The following CACNA1S variants were observed in gnomAD, a reference collection of about 807,000 sequenced individuals.
CACNA1S encodes voltage-dependent L-type calcium channel subunit alpha-1S.
CACNA1S carries 126 observed loss-of-function variants against 207.4 expected under a neutral mutation model. That is an observed-to-expected ratio of 0.61 (90% confidence interval 0.53 to 0.70). The LOEUF is 0.70. CACNA1S is among the 30% of genes least tolerant of loss of function. The pLI is 0.00. For synonymous variants in CACNA1S, 960 were observed against 932.7 expected, an observed-to-expected ratio of 1.03 and a Z score of -0.53; for missense variants, 2,349 against 2,422.8, an observed-to-expected ratio of 0.97 and a Z score of 0.64.
intron 23 of CACNA1S, 50 bp downstream of exon 23, chr1:201,062,412 C>T: frequency 6.4e-7 from 1 of 1,569,446 alleles, no homozygotes; most frequent in Non-Finnish European, 8.8e-7. Flanking sequence ...GACTGTCCCA[C>T]CATGCTCCCT....
chr1:201,067,997 C>T (rs1196869189), intron 19 of CACNA1S, among the ~76,000 whole-genome samples: 1 of 152,094 alleles, frequency 6.6e-6, no homozygotes, highest in Admixed American at 6.6e-5. Context: ...TCTCCTTCTG[C>T]CCCCAGAGCC....
intron 40 of CACNA1S, among the ~76,000 whole-genome samples, chr1:201,042,092 C>G (rs1461992220): frequency 1.3e-5 from 2 of 152,214 alleles, no homozygotes; most frequent in African/African-American, 4.8e-5. Context: ...ACTCTCAGGA[C>G]ACTAAATATC....
intron 1 of CACNA1S, 124 bp downstream of exon 1, chr1:201,112,064 T>C: frequency 2.3e-6 from 2 of 870,446 alleles, no homozygotes; most frequent in Non-Finnish European, 3.5e-6. Context: ...ATTCTGTGAG[T>C]TCACCCCATG....
Position 201,083,313 on chromosome 1 carries a change from C to T in CACNA1S, c.1242G>A (p.Trp414Ter), listed in dbSNP as rs1553252073. Residue 414 changes from tryptophan to a stop codon, truncating the protein, a stop_gained, in exon 10 of 44, where the codon TGG becomes TGA. Transcript: ENST00000362061. LOFTEE classifies it high-confidence loss of function. ...AGCGAAAGATGCGGTTCCACTGCCT[C>T]CAATGTCGGCTGAGGGAGGGGACAG... ...LNKIIQFIRH[W>*]RQWNRIFRWK... 6.2e-7 allele frequency: 1 copy of T among 1,614,192 alleles called. No homozygotes were observed. The highest frequency in any genetic ancestry group is 8.5e-7 in the Non-Finnish European group (1 of 1,180,018).
rs11807079 is a variant in CACNA1S, at chr1:201,042,344, G to T, written c.5049-755C>A. 5.1e-3 allele frequency among the ~76,000 whole-genome samples: 775 copies of T among 152,176 alleles called. 5 individuals carry two copies. Among genetic ancestry groups the T allele is most frequent in the African/African-American group, 0.017 (725 of 41,494 alleles). ...GTAGAGACACGGTTTCTCCATGTTG[G>T]CCAGGCAGGTCTCGAACTCCTGACC... is the stretch of plus-strand genomic sequence containing the variant. On this transcript the variant is annotated intron_variant, in intron 40 of 43. Transcript: ENST00000362061.
At chr1:201,100,779 A>G (rs1662622182) in intron 2 of CACNA1S, among the ~76,000 whole-genome samples, 1 of 152,156 alleles carries the variant, frequency 6.6e-6, no homozygotes, top group African/African-American at 2.4e-5. Context: ...AAGCTTTAGT[A>G]AGCACCCGCT....
chr1:201,064,840 C>T (rs373349905), intron 22 of CACNA1S, among the ~76,000 whole-genome samples: 6 of 152,174 alleles, frequency 3.9e-5, no homozygotes, highest in Non-Finnish European at 8.8e-5. Flanking sequence ...AGGTTGGCTC[C>T]GGATGTGAGA....
chr1:201,047,266 C>A, intron 37 of CACNA1S, 27 bp from the exon 38 acceptor site: 1 of 1,614,172 alleles, frequency 6.2e-7, no homozygotes. Flanking sequence ...AAGAGATGCC[C>A]TGAAGGCTAG....
intron 16 of CACNA1S, 39 bp from the exon 17 acceptor site, chr1:201,070,443 T>C (rs1661408300): frequency 1.2e-6 from 2 of 1,612,006 alleles, no homozygotes; most frequent in East Asian, 4.5e-5. Flanking sequence ...TGTCTTCCCA[T>C]GCTTTGCTAT....
chr1:201,098,586 A>G (rs1221114803), intron 2 of CACNA1S, among the ~76,000 whole-genome samples: 1 of 152,224 alleles, frequency 6.6e-6, no homozygotes, highest in African/African-American at 2.4e-5. Flanking sequence ...CCTGCCCAGC[A>G]CACAGGAGGC....
At chr1:201,062,338 G>A in intron 23 of CACNA1S, 124 bp downstream of exon 23, 1 of 1,076,952 alleles carries the variant, frequency 9.3e-7, no homozygotes, top group Non-Finnish European at 1.4e-6. Context: ...CCCCTGCCCT[G>A]TGATCGTCCT....
Position 201,040,267 on chromosome 1 carries a change from C to T in CACNA1S, c.5334G>A (p.Arg1778=), listed in dbSNP as rs1416127459. ...GCAGGGCTGTAGCTGGTGCTGAGCACCTGGAAGTATTCTCCCTGGTGCTCC... is the reference window on the plus strand; with the variant it reads ...GCAGGGCTGTAGCTGGTGCTGAGCATCTGGAAGTATTCTCCCTGGTGCTCC... ...HSRSTRENTS[R]CSAPATALLI... is the part of the protein sequence containing the mutation. Residue 1778 remains arginine (R), a synonymous_variant, in exon 43 of 44, where the codon AGG becomes AGA. Transcript: ENST00000362061. 1 of 1,613,836 alleles carries T rather than the reference C, an allele frequency of 6.2e-7. No homozygotes were observed. The highest frequency in any genetic ancestry group is 8.5e-7 in the Non-Finnish European group (1 of 1,179,984).
At chr1:201,055,141 G>A (rs1660795597) in intron 28 of CACNA1S, among the ~76,000 whole-genome samples, 1 of 152,166 alleles carries the variant, frequency 6.6e-6, no homozygotes. Context: ...AGGTGTGTGG[G>A]AGCAATTTCT....
intron 36 of CACNA1S, among the ~76,000 whole-genome samples, chr1:201,048,343 C>T (rs1660541095): frequency 6.6e-6 from 1 of 152,214 alleles, no homozygotes; most frequent in Admixed American, 6.5e-5. Flanking sequence ...TCTCTGGCCC[C>T]CAGACACAGC....
chr1:201,111,325 G>A (rs1318961627), intron 1 of CACNA1S, among the ~76,000 whole-genome samples: 1 of 152,082 alleles, frequency 6.6e-6, no homozygotes, highest in African/African-American at 2.4e-5. Flanking sequence ...GAACTCTTCA[G>A]AAATATTTCA....
chr1:201,108,873 C>G (rs1467112452), intron 2 of CACNA1S, among the ~76,000 whole-genome samples: 1 of 152,108 alleles, frequency 6.6e-6, no homozygotes, highest in Non-Finnish European at 1.5e-5. Context: ...CCCTAGGGAG[C>G]CTGAGGCCAC....
chr1:201,067,473 T>C (rs1447766433), intron 19 of CACNA1S, among the ~76,000 whole-genome samples: 1 of 152,214 alleles, frequency 6.6e-6, no homozygotes, highest in African/African-American at 2.4e-5. Flanking sequence ...CCCTCTCAGC[T>C]TCTTTGATAT....
At chr1:201,075,470 C>G in intron 13 of CACNA1S, 25 bp downstream of exon 13, 3 of 1,311,720 alleles carry the variant, frequency 2.3e-6, no homozygotes, top group Non-Finnish European at 3.2e-6. Flanking sequence ...AAGCTCTTTT[C>G]TGCACCCTGC....
intron 11 of CACNA1S, 28 bp from the exon 12 acceptor site, chr1:201,077,155 A>G: frequency 6.3e-7 from 1 of 1,599,488 alleles, no homozygotes; most frequent in Non-Finnish European, 8.6e-7. Flanking sequence ...ACAAGGTGGG[A>G]GGAGACAGAC....
Sources: allele counts gnomAD v4.1 joint callset (sites outside exome capture counted in the v4.1 genomes callset), GRCh38; gene constraint gnomAD v4.1.1; transcripts MANE v1.5; gene names NCBI Gene and HGNC (gene_info 2026-07-23, HGNC 2026-07-21).